The following SEMA6A variants were observed in gnomAD, a reference collection of about 807,000 sequenced individuals.
The protein encoded by SEMA6A is semaphorin 6A.
Under a neutral mutation model 96.8 loss-of-function variants are expected in SEMA6A, and 25 were observed. The ratio of observed to expected loss-of-function variants is 0.26; its 90% CI spans 0.19 to 0.36. The LOEUF is 0.36. SEMA6A is among the 10% of genes least tolerant of loss of function. The probability of loss-of-function intolerance (pLI) is 1.00; values close to 1 mark genes in which losing one functional copy is unlikely to be tolerated. For missense variants in SEMA6A, 1,363 were observed against 1,323.1 expected, an observed-to-expected ratio of 1.03 and a Z score of -0.47; for synonymous variants, 612 against 518.0, an observed-to-expected ratio of 1.18 and a Z score of -2.46.
intron 18 of SEMA6A, among the ~76,000 whole-genome samples, chr5:116,448,170 TAAAAAAAAAAAAA>T (rs59202921): frequency 1.7e-5 from 2 of 119,550 alleles, no homozygotes; most frequent in South Asian, 2.6e-4. Context: ...CCGTCTCTAC[TAAAAAAAAAAAAA>T]AAAAAAAAAA....
chr5:116,475,003 C>G (rs1756378022), intron 16 of SEMA6A, among the ~76,000 whole-genome samples: 2 of 152,238 alleles, frequency 1.3e-5, no homozygotes, highest in South Asian at 2.1e-4. Context: ...AGGCCAATTC[C>G]TATAAAAAGA....
chr5:116,531,302 A>G (rs75031683), intron 1 of SEMA6A, among the ~76,000 whole-genome samples: 4,545 of 152,214 alleles, frequency 0.03, 89 homozygotes, highest in Non-Finnish European at 0.046. Flanking sequence ...ACATGACTCA[A>G]TGACTACAAC....
chr5:116,467,478 G>T, intron 18 of SEMA6A, 105 bp downstream of exon 18: 1 of 1,108,884 alleles, frequency 9.0e-7, no homozygotes, highest in Non-Finnish European at 1.3e-6. Context: ...TAGCGCATTG[G>T]AGGTTCCTTA....
intron 18 of SEMA6A, chr5:116,449,548 T>G: frequency 1.8e-6 from 1 of 551,716 alleles, no homozygotes; most frequent in Non-Finnish European, 3.2e-6. Flanking sequence ...TGCTAAAATA[T>G]TTTGATTTCT....
intron 1 of SEMA6A, among the ~76,000 whole-genome samples, chr5:116,531,132 T>C (rs1759451821): frequency 6.6e-6 from 1 of 152,056 alleles, no homozygotes; most frequent in South Asian, 2.1e-4. Flanking sequence ...TCACTAAACA[T>C]TTAATAAGTG....
In SEMA6A at chr5:116,478,616, C is replaced by G; in HGVS notation, c.1353G>C (p.Leu451Phe). 2.5e-6 allele frequency: 4 copies of G among 1,613,484 alleles called. No homozygotes were observed. Among genetic ancestry groups the G allele is most frequent in the Non-Finnish European group, 3.4e-6 (4 of 1,179,720 alleles). Residue 451 changes from leucine to phenylalanine, a missense_variant, in exon 13 of 19, where the codon TTG becomes TTC. Around this residue, in one of 2 missense-constraint regions of SEMA6A, gnomAD observed 883 missense variants for 763.6 expected, o/e 1.16. Coordinates refer to ENST00000343348, the MANE Select transcript of SEMA6A (RefSeq NM_020796.5). ...GSEKGIILKF[L>F]ARIGNSGFLN... ...GAAAACCACTATTTCCTATTCTGGC[C>G]AAAAACTTCAAGATGATTCCCTTCT... is the stretch of plus-strand genomic sequence containing the variant.
At chr5:116,566,893 G>C (rs904593124) in intron 1 of SEMA6A, among the ~76,000 whole-genome samples, 1 of 152,122 alleles carries the variant, frequency 6.6e-6, no homozygotes, top group African/African-American at 2.4e-5. Flanking sequence ...TGCCCAACCT[G>C]AAGACCCTCT....
intron 6 of SEMA6A, among the ~76,000 whole-genome samples, chr5:116,493,534 A>G (rs1757432183): frequency 6.6e-6 from 1 of 152,126 alleles, no homozygotes; most frequent in Non-Finnish European, 1.5e-5. Flanking sequence ...TAACATCTTA[A>G]TTACGGAATT....
chr5:116,529,746 A>G (rs1759379997), intron 1 of SEMA6A, among the ~76,000 whole-genome samples: 1 of 152,164 alleles, frequency 6.6e-6, no homozygotes. Flanking sequence ...AGGAACAGAA[A>G]ACCAAATACT....
chr5:116,461,036 C>T (rs946231358), intron 18 of SEMA6A, among the ~76,000 whole-genome samples: 1 of 151,922 alleles, frequency 6.6e-6, no homozygotes, highest in Non-Finnish European at 1.5e-5. Flanking sequence ...CTTTATGGGT[C>T]GTGTATAGCA....
chr5:116,478,615 C>G lies in SEMA6A; in HGVS notation c.1354G>C (p.Ala452Pro). ...AGAAAACCACTATTTCCTATTCTGG[C>G]CAAAAACTTCAAGATGATTCCCTTC... The part of the protein sequence containing the change: ...SEKGIILKFL[A>P]RIGNSGFLND... The change falls in exon 13 of 19, where the codon GCC becomes CCC. Residue 452 changes from alanine (A) to proline (P), a missense_variant. Physicochemically the swap from Ala to Pro is conservative, Grantham distance 27. Transcript: ENST00000343348. 6.2e-7 allele frequency: 1 copy of G among 1,613,512 alleles called. No individual in the cohort carries two copies. The highest frequency in any genetic ancestry group is 8.5e-7 in the Non-Finnish European group (1 of 1,179,708).
chr5:116,532,007 A>G (rs73780323), intron 1 of SEMA6A, among the ~76,000 whole-genome samples: 12,047 of 152,246 alleles, frequency 0.079, 794 homozygotes, highest in African/African-American at 0.18. Context: ...GACCACCTGC[A>G]TCAGGAATAA....
At chr5:116,476,718 G>A (rs1244214962) in intron 15 of SEMA6A, among the ~76,000 whole-genome samples, 1 of 152,138 alleles carries the variant, frequency 6.6e-6, no homozygotes, top group Admixed American at 6.6e-5. Context: ...AAGGACATAG[G>A]TCATCTCATA....
At chr5:116,531,867 T>A (rs1267280379) in intron 1 of SEMA6A, among the ~76,000 whole-genome samples, 1 of 152,096 alleles carries the variant, frequency 6.6e-6, no homozygotes, top group Admixed American at 6.6e-5. Context: ...TGTTCCTAAC[T>A]GTCCTTCCCA....
intron 1 of SEMA6A, among the ~76,000 whole-genome samples, chr5:116,546,479 C>G (rs1474171350): frequency 6.6e-6 from 1 of 152,178 alleles, no homozygotes; most frequent in Admixed American, 6.5e-5. Context: ...GTCAGTGTCT[C>G]TCAAATATGA....
rs765850706 is a variant in SEMA6A, at chr5:116,446,969, C to G, written c.2737G>C (p.Gly913Arg). The G allele has an allele frequency of 1.2e-6, 2 of 1,613,862 alleles. No homozygotes were observed. Among genetic ancestry groups the G allele is most frequent in the Non-Finnish European group, 1.7e-6 (2 of 1,179,868 alleles). Residue 913 changes from glycine (G) to arginine (R), a missense_variant, in exon 19 of 19, where the codon GGG becomes CGG. Physicochemically the swap from Gly to Arg is moderately radical, Grantham distance 125. This residue lies in a region of SEMA6A where 883 missense variants were observed against 763.6 expected (regional missense o/e 1.16). Coordinates refer to ENST00000343348, the MANE Select transcript of SEMA6A (RefSeq NM_020796.5). ...RLEMHHSSSY[G>R]VDYKRSYPTN... is the part of the protein sequence containing the mutation. ...GGGTAGCTCCTCTTATAGTCAACCC[C>G]GTAGGAAGAGGAGTGGTGCATTTCC...
At chr5:116,450,348 G>A (rs1754545263) in intron 18 of SEMA6A, among the ~76,000 whole-genome samples, 1 of 152,164 alleles carries the variant, frequency 6.6e-6, no homozygotes, top group Non-Finnish European at 1.5e-5. Context: ...CAATAAATGT[G>A]TATTATAATA....
chr5:116,495,348 T>C, intron 6 of SEMA6A, 65 bp downstream of exon 6: 1 of 1,202,466 alleles, frequency 8.3e-7, no homozygotes, highest in Non-Finnish European at 1.2e-6. Flanking sequence ...TTGCTGCAGG[T>C]ACAATCACAG....
At chr5:116,463,620 A>G (rs1216417405) in intron 18 of SEMA6A, among the ~76,000 whole-genome samples, 1 of 152,224 alleles carries the variant, frequency 6.6e-6, no homozygotes, top group Non-Finnish European at 1.5e-5. Context: ...TCTGTAATAC[A>G]TCTTATTCTT....
Sources: gnomAD v4.1 joint callset for allele counts (sites outside exome capture counted in the v4.1 genomes callset) on GRCh38, gnomAD v4.1.1 for gene constraint, gnomAD v4.1.1 regional missense constraint, MANE v1.5 for transcripts, NCBI Gene and HGNC (gene_info 2026-07-23, HGNC 2026-07-21) for gene names.